The following OTUD7A variants were observed in gnomAD, a reference collection of about 807,000 sequenced individuals.
OTUD7A encodes the protein OTU domain-containing protein 7A.
A neutral mutation model predicts 65.7 loss-of-function variants in OTUD7A; 12 were observed. That is an observed-to-expected ratio of 0.18 (90% CI 0.12 to 0.30). The LOEUF is 0.30. Among genes scored for constraint, OTUD7A ranks in the 10% least tolerant of loss-of-function variants. The pLI is 1.00. For missense variants in OTUD7A, 1,148 were observed against 1,304.8 expected (o/e 0.88, Z 1.85); for synonymous variants, 641 against 586.3 (o/e 1.09, Z -1.35).
chr15:31,811,414 T>TCTGTGTGTG (rs1291383724), intron 1 of OTUD7A, among the ~76,000 whole-genome samples: 3 of 151,840 alleles, frequency 2.0e-5, no homozygotes, highest in Non-Finnish European at 4.4e-5. Context: ...GTGGGCTGTG[T>TCTGTGTGTG]CTGTGTGTGT....
intron 1 of OTUD7A, among the ~76,000 whole-genome samples, chr15:31,801,613 T>C: frequency 6.6e-6 from 1 of 152,194 alleles, no homozygotes; most frequent in African/African-American, 2.4e-5. Context: ...AAAAGAAACA[T>C]CATCTACTTT....
intron 5 of OTUD7A, among the ~76,000 whole-genome samples, chr15:31,553,816 A>T (rs980511967): frequency 2.1e-4 from 32 of 151,852 alleles, no homozygotes; most frequent in African/African-American, 7.3e-4. Flanking sequence ...CCTGGTCTGG[A>T]GCAACTGCCT....
At chr15:31,868,665 C>G (rs1897942989) in intron 1 of OTUD7A, among the ~76,000 whole-genome samples, 1 of 152,180 alleles carries the variant, frequency 6.6e-6, no homozygotes, top group Non-Finnish European at 1.5e-5. Context: ...CACACACTTG[C>G]TCAGAGAAAG....
intron 3 of OTUD7A, among the ~76,000 whole-genome samples, chr15:31,618,322 T>C (rs1172869705): frequency 3.3e-5 from 5 of 152,234 alleles, no homozygotes; most frequent in African/African-American, 4.8e-5. Context: ...TCAAATGGTA[T>C]TTCCAGTTCT....
intron 1 of OTUD7A, among the ~76,000 whole-genome samples, chr15:31,672,939 T>G (rs1458522650): frequency 6.6e-6 from 1 of 152,218 alleles, no homozygotes; most frequent in African/African-American, 2.4e-5. Flanking sequence ...CAATGGCATA[T>G]AGAATTCTTC....
intron 3 of OTUD7A, among the ~76,000 whole-genome samples, chr15:31,626,549 GACAATGTGTTCATGGA>G (rs1890958049): frequency 6.6e-6 from 1 of 152,038 alleles, no homozygotes; most frequent in African/African-American, 2.4e-5. Context: ...AATCCATTTG[GACAATGTGTTCATGGA>G]CTCAGAAAAT....
At chr15:31,521,193 C>T (rs2041932410) in intron 8 of OTUD7A, among the ~76,000 whole-genome samples, 2 of 152,040 alleles carry the variant, frequency 1.3e-5, no homozygotes, top group East Asian at 1.9e-4. Context: ...GTAATGGGTA[C>T]GCTAAAATCC....
intron 1 of OTUD7A, among the ~76,000 whole-genome samples, chr15:31,751,634 T>C (rs1395563601): frequency 1.3e-5 from 2 of 152,216 alleles, no homozygotes; most frequent in Admixed American, 1.3e-4. Context: ...TGTAGCACTA[T>C]TCACAGCAAC....
At chr15:31,731,617 A>ATGGTAGATGCATGTCATTATACATT (rs1894045492) in intron 1 of OTUD7A, among the ~76,000 whole-genome samples, 2 of 152,218 alleles carry the variant, frequency 1.3e-5, no homozygotes, top group African/African-American at 4.8e-5. Flanking sequence ...TGATACCATA[A>ATGGTAGATGCATGTCATTATACATT]TGGTAGATGC....
At chr15:31,496,065 C>CA (rs34962324) in intron 10 of OTUD7A, among the ~76,000 whole-genome samples, 148 of 88,108 alleles carry the variant, frequency 1.7e-3, no homozygotes, top group Middle Eastern at 6.2e-3. Context: ...AACCCCATCT[C>CA]AAAAAAAAAA....
At chr15:31,767,447 C>A in intron 1 of OTUD7A, 1 of 774,532 alleles carries the variant, frequency 1.3e-6, no homozygotes, top group Non-Finnish European at 2.4e-6. Flanking sequence ...TGCTTCTTGG[C>A]CAATTTGCTA....
At chr15:31,713,337 C>T (rs377585973) in intron 1 of OTUD7A, among the ~76,000 whole-genome samples, 3 of 152,116 alleles carry the variant, frequency 2.0e-5, no homozygotes, top group Admixed American at 6.5e-5. Context: ...TGGTAAAGTA[C>T]GCTGGGCACG....
At chr15:31,753,742 TCACA>T (rs1434143733) in intron 1 of OTUD7A, among the ~76,000 whole-genome samples, 4 of 127,378 alleles carry the variant, frequency 3.1e-5, no homozygotes, top group South Asian at 2.5e-4. Context: ...TATATATATC[TCACA>T]GTTTCTTTAT....
intron 3 of OTUD7A, among the ~76,000 whole-genome samples, chr15:31,590,332 T>C (rs1175417815): frequency 6.6e-6 from 1 of 152,228 alleles, no homozygotes; most frequent in African/African-American, 2.4e-5. Context: ...AAATTACCAA[T>C]CACATGTCTC....
intron 3 of OTUD7A, among the ~76,000 whole-genome samples, chr15:31,605,596 G>T (rs1436280539): frequency 1.3e-5 from 2 of 152,204 alleles, no homozygotes; most frequent in Non-Finnish European, 2.9e-5. Context: ...CCATTAGGGG[G>T]CGCCTCCGTG....
chr15:31,623,056 G>A (rs1283855269), intron 3 of OTUD7A, among the ~76,000 whole-genome samples: 1 of 152,234 alleles, frequency 6.6e-6, no homozygotes, highest in Non-Finnish European at 1.5e-5. Flanking sequence ...CTGGGTATCA[G>A]CAGCAGAGGC....
intron 5 of OTUD7A, among the ~76,000 whole-genome samples, chr15:31,540,081 C>T (rs991073518): frequency 2.0e-4 from 30 of 152,166 alleles, no homozygotes; most frequent in African/African-American, 4.1e-4. Flanking sequence ...TAAATTTTTC[C>T]GCTGTTTCAA....
In OTUD7A at chr15:31,511,030, T is replaced by C. The variant is rs571332630; in HGVS notation, c.894-7212A>G. 1.8e-3 allele frequency among the ~76,000 whole-genome samples: 75 copies of C among 42,130 alleles called. 33 individuals are homozygous for C. The highest frequency in any genetic ancestry group is 2.8e-3 in the Non-Finnish European group (71 of 25,806). 27.6% of individuals were successfully genotyped at this position (42,130 alleles called of 152,430 possible). On this transcript the variant is annotated intron_variant, in intron 8 of 12. Transcript: ENST00000307050. ...TATATGTAACATACATGTATATCTA[T>C]ATGTAACATACATGTATATCTATAT...
At chr15:31,501,571 A>G in intron 10 of OTUD7A, 119 bp downstream of exon 10, 1 of 1,304,436 alleles carries the variant, frequency 7.7e-7, no homozygotes, top group Non-Finnish European at 1.1e-6. Context: ...CTGAGTGTGC[A>G]CAGGTGTGCT....
Sources: gnomAD v4.1 joint callset for allele counts (sites outside exome capture counted in the v4.1 genomes callset) on GRCh38, gnomAD v4.1.1 for gene constraint, MANE v1.5 for transcripts, NCBI Gene and HGNC (gene_info 2026-07-23, HGNC 2026-07-21) for gene names.